The following WDTC1 variants were observed in gnomAD, a reference collection of about 807,000 sequenced individuals.
WDTC1 encodes the protein WD and tetratricopeptide repeats 1, also known as WD and tetratricopeptide repeats protein 1.
A neutral mutation model predicts 76.0 loss-of-function variants in WDTC1; 12 were observed. That is an observed-to-expected ratio of 0.16 (90% CI 0.10 to 0.26). The LOEUF is 0.26. Ranked by LOEUF, WDTC1 falls within the 10% of genes least tolerant of loss-of-function variation. The pLI, the probability that WDTC1 is intolerant of heterozygous loss-of-function variation, is 1.00. For missense variants in WDTC1, 511 were observed against 908.8 expected (o/e 0.56, Z 5.63); for synonymous variants, 326 against 350.8 (o/e 0.93, Z 0.79).
intron 3 of WDTC1, among the ~76,000 whole-genome samples, chr1:27,263,727 C>T (rs762963240): frequency 2.8e-4 from 42 of 152,210 alleles, no homozygotes; most frequent in Non-Finnish European, 5.0e-4. Flanking sequence ...CCGCGCCTGG[C>T]CTTAAATTAT....
chr1:27,280,690 T>G (rs1043287859), intron 3 of WDTC1, among the ~76,000 whole-genome samples: 3 of 152,232 alleles, frequency 2.0e-5, no homozygotes, highest in Non-Finnish European at 4.4e-5. Flanking sequence ...TCTGTAACTT[T>G]CATGCTCTTT....
chr1:27,281,604 T>C (rs1434180093), intron 3 of WDTC1, among the ~76,000 whole-genome samples: 2 of 152,154 alleles, frequency 1.3e-5, no homozygotes, highest in Non-Finnish European at 2.9e-5. Flanking sequence ...TTTTGTTTTG[T>C]TTGAGACACG....
At chr1:27,297,381 A>G (rs772351031) in intron 11 of WDTC1, among the ~76,000 whole-genome samples, 12 of 152,168 alleles carry the variant, frequency 7.9e-5, no homozygotes, top group Non-Finnish European at 1.8e-4. Context: ...GCCTGTTGGT[A>G]CCAGTAACTG....
chr1:27,287,626 C>T lies in WDTC1; in HGVS notation c.292-48C>T, dbSNP rs1039502794. 3.2e-6 allele frequency: 5 copies of T among 1,570,394 alleles called. No homozygotes were observed. In the Admixed American group the frequency reaches 7.3e-5, roughly 23 times the overall value. ...CATCCAGGCTAGCCTCCTTCCGTGG[C>T]CATTTCTACTCTTACCACCCACCCC... On this transcript the variant is annotated intron_variant, in intron 5 of 15. Transcript: ENST00000319394.
chr1:27,306,120 T>C lies in WDTC1; in HGVS notation c.1837-66T>C, dbSNP rs911129988. 5.8e-6 allele frequency: 9 copies of C among 1,540,218 alleles called. No homozygotes were observed. In the East Asian group the frequency reaches 1.6e-4, roughly 27 times the overall value. ...TCTGTGTATTTCCCTCCCCCTCCCC[T>C]ATACGTGTACCCTGGTGCCTCTCCC... On this transcript the variant is annotated intron_variant, in intron 15 of 15. Coordinates refer to ENST00000319394, the MANE Select transcript of WDTC1 (RefSeq NM_001276252.2). The surrounding 1 kb of genome is among the most constrained non-coding windows in gnomAD (Gnocchi z 5.0).
chr1:27,296,432 G>C, intron 10 of WDTC1, 31 bp downstream of exon 10: 1 of 1,611,390 alleles, frequency 6.2e-7, no homozygotes, highest in Non-Finnish European at 8.5e-7. Flanking sequence ...TCTCTACTGC[G>C]GCGGTGTAGG....
chr1:27,300,237 G>A (rs1296767453), intron 12 of WDTC1, among the ~76,000 whole-genome samples: 1 of 152,110 alleles, frequency 6.6e-6, no homozygotes, highest in African/African-American at 2.4e-5. Context: ...GGATTGTTGT[G>A]AGCTGTGCCC....
At position 27,256,924 on chromosome 1, in the gene WDTC1, C is replaced by T. The variant is rs578259774; in HGVS notation, c.-99-4032C>T. Among the ~76,000 whole-genome samples, 9 of 152,292 alleles carry T rather than the reference C, an allele frequency of 5.9e-5. 1 individual carries two copies. Among genetic ancestry groups the T allele is most frequent in the Admixed American group, 2.6e-4 (4 of 15,282 alleles). On this transcript the variant is annotated intron_variant, in intron 1 of 15. Coordinates refer to ENST00000319394, the MANE Select transcript of WDTC1 (RefSeq NM_001276252.2). ...TTGCCCAGGCTGGAGCGCAGTAGCA[C>T]GATCTCGTCTCACTGCAAGCTCCGT... is the stretch of plus-strand genomic sequence containing the variant.
chr1:27,301,269 A>G lies in WDTC1; in HGVS notation c.1276A>G (p.Ile426Val), dbSNP rs1287781862. 1.2e-6 allele frequency: 2 copies of G among 1,614,026 alleles called. No homozygotes were observed. The highest frequency in any genetic ancestry group is 2.7e-5 in the African/African-American group (2 of 74,918). Reference protein sequence around the residue: ...YDALRDCLKAISLNPCHLKAH... With the variant: ...YDALRDCLKAVSLNPCHLKAH... ...TGCCCTGAGGGACTGCCTCAAGGCCATCTCCCTAAACCCATGCCACCTGAA... is the reference window on the plus strand; with the variant it reads ...TGCCCTGAGGGACTGCCTCAAGGCCGTCTCCCTAAACCCATGCCACCTGAA... Residue 426 changes from isoleucine (I) to valine (V), a missense_variant, in exon 13 of 16, where the codon ATC (isoleucine) becomes GTC (valine). Transcript: ENST00000319394. The surrounding 1 kb of genome is among the most constrained non-coding windows in gnomAD (Gnocchi z 5.8).
intron 4 of WDTC1, among the ~76,000 whole-genome samples, chr1:27,282,927 C>T: frequency 6.6e-6 from 1 of 151,762 alleles, no homozygotes; most frequent in East Asian, 2.0e-4. Flanking sequence ...ATCACGAGGT[C>T]AGGAGATTGA....
At chr1:27,265,904 G>A (rs1039798382) in intron 3 of WDTC1, among the ~76,000 whole-genome samples, 8 of 151,920 alleles carry the variant, frequency 5.3e-5, no homozygotes, top group Admixed American at 1.3e-4. Flanking sequence ...CCAAGATCTC[G>A]CCATTGCACT....
chr1:27,273,210 T>C (rs979240453), intron 3 of WDTC1, among the ~76,000 whole-genome samples: 1 of 138,012 alleles, frequency 7.2e-6, no homozygotes, highest in African/African-American at 2.7e-5. Context: ...TCTTTTCTTT[T>C]TTTTTTTTTT....
At chr1:27,290,006 G>C (rs529600727) in intron 6 of WDTC1, among the ~76,000 whole-genome samples, 16 of 151,826 alleles carry the variant, frequency 1.1e-4, no homozygotes, top group African/African-American at 3.4e-4. Flanking sequence ...CGTGGAAAGA[G>C]AGGGAGAGGG....
Position 27,263,154 on chromosome 1 carries a change from G to A in WDTC1, c.51G>A (p.Glu17=). 1.9e-6 allele frequency: 3 copies of A among 1,613,338 alleles called. No individual in the cohort carries two copies. In the East Asian group the frequency reaches 6.7e-5, roughly 36 times the overall value. Residue 17 remains glutamate (E), a splice_region_variant and synonymous_variant, in exon 3 of 16, where the codon GAG becomes GAA. Transcript: ENST00000319394. ...TRDLIRRQIK[E]RGALSFERRY... is the part of the protein sequence containing the mutation. ...ACGAATTTGTTTCTGTCCCCTAGGA[G>A]CGGGGTGCCCTGAGCTTTGAGCGGC...
chr1:27,297,540 A>G (rs1009367766), intron 11 of WDTC1, among the ~76,000 whole-genome samples: 1 of 152,160 alleles, frequency 6.6e-6, no homozygotes, highest in Non-Finnish European at 1.5e-5. Flanking sequence ...TGGGCTTTGG[A>G]TACAGAGGCG....
chr1:27,269,162 T>TC (rs1557490646), intron 3 of WDTC1, among the ~76,000 whole-genome samples: 1 of 27,862 alleles, frequency 3.6e-5, no homozygotes, highest in Non-Finnish European at 6.1e-5. Context: ...GCCCTGTTTC[T>TC]CCAAAAAAAA....
chr1:27,284,260 G>A (rs1348604462), intron 5 of WDTC1, among the ~76,000 whole-genome samples: 1 of 152,138 alleles, frequency 6.6e-6, no homozygotes, highest in East Asian at 1.9e-4. Context: ...CCCTGCACTT[G>A]TCCACTCGCC....
intron 6 of WDTC1, among the ~76,000 whole-genome samples, chr1:27,289,025 C>CG (rs1272342887): frequency 7.0e-6 from 1 of 142,682 alleles, no homozygotes; most frequent in Non-Finnish European, 1.5e-5. Context: ...GCTGGCTGGG[C>CG]GGGGGGCTGA....
intron 3 of WDTC1, among the ~76,000 whole-genome samples, chr1:27,279,610 A>G (rs755869324): frequency 2.6e-5 from 4 of 152,052 alleles, no homozygotes; most frequent in Non-Finnish European, 4.4e-5. Flanking sequence ...TCTGTTGCCC[A>G]GGCTGGAGTG....
Sources: gnomAD v4.1 joint callset for allele counts (sites outside exome capture counted in the v4.1 genomes callset) on GRCh38, gnomAD v4.1.1 for gene constraint, Gnocchi (gnomAD v3.1) non-coding constraint, MANE v1.5 for transcripts, NCBI Gene and HGNC (gene_info 2026-07-23, HGNC 2026-07-21) for gene names.